The following COCH variants were observed in gnomAD, a reference collection of about 807,000 sequenced individuals.
The protein encoded by COCH is cochlin, also known as coagulation factor C homolog, cochlin (Limulus polyphemus).
In COCH, 40 loss-of-function variants were observed where a neutral mutation model predicts 54.8. The observed-to-expected ratio is 0.73, with a 90% confidence interval of 0.57 to 0.95. The LOEUF is 0.95. Among genes scored for constraint, COCH ranks in the 40% least tolerant of loss-of-function variants. The probability of loss-of-function intolerance (pLI) is 0.00; values close to 1 mark genes in which losing one functional copy is unlikely to be tolerated. For synonymous variants in COCH, 256 were observed against 237.9 expected (o/e 1.08, Z -0.70); for missense variants, 605 against 675.0 (o/e 0.90, Z 1.15).
At position 30,885,916 on chromosome 14, in the gene COCH, AC is replaced by A; in HGVS notation, c.1083del (p.Cys362ValfsTer5). The A allele has an allele frequency of 6.2e-7, 1 of 1,614,198 alleles. No individual in the cohort carries two copies. Among genetic ancestry groups the A allele is most frequent in the Non-Finnish European group, 8.5e-7 (1 of 1,180,022 alleles). ...TCATGAACAAATGATGTGCAGCAAG[AC>A]CTGTTATAACTCAGTGAACATTGCC... Reference protein sequence around the residue: ...CTHEQMMCSKTCYNSVNIAFL... With the variant: ...CTHEQMMCSKXCYNSVNIAFL... On this transcript the variant is annotated frameshift_variant, in exon 11 of 12. Coordinates refer to ENST00000396618, the MANE Select transcript of COCH (RefSeq NM_004086.3). LOFTEE classifies it high-confidence loss of function.
chr14:30,885,927 C>T lies in COCH; in HGVS notation c.1092C>T (p.Asn364=). ...TGATGTGCAGCAAGACCTGTTATAA[C>T]TCAGTGAACATTGCCTTTCTAATTG... ...EQMMCSKTCY[N]SVNIAFLIDG... is the part of the protein sequence containing the mutation. Residue 364 remains asparagine (N), a synonymous_variant, in exon 11 of 12, where the codon AAC becomes AAT. Coordinates refer to ENST00000396618, the MANE Select transcript of COCH (RefSeq NM_004086.3). The T allele has an allele frequency of 6.2e-7, 1 of 1,614,172 alleles. No homozygotes were observed. The highest frequency in any genetic ancestry group is 1.1e-5 in the South Asian group (1 of 91,088).
Position 30,877,453 on chromosome 14 carries a change from T to A in COCH, c.83-119T>A, listed in dbSNP as rs1178525694. The A allele has an allele frequency of 4.6e-6, 6 of 1,294,626 alleles. No individual in the cohort carries two copies. Among genetic ancestry groups the A allele is most frequent in the Non-Finnish European group, 6.5e-6 (6 of 926,824 alleles). 80.2% of individuals were successfully genotyped at this position (1,294,626 alleles called of 1,614,324 possible). A position where few individuals can be genotyped will look rare whatever the true frequency, so the allele number is the denominator to read the frequency against. ...TATGGAAGGGTATATAAGTCAATAGTCATAACTAGAAGTGTAGAAATTAGG... is the reference window on the plus strand; with the variant it reads ...TATGGAAGGGTATATAAGTCAATAGACATAACTAGAAGTGTAGAAATTAGG... On this transcript the variant is annotated intron_variant, in intron 3 of 11. Coordinates refer to ENST00000396618, the MANE Select transcript of COCH (RefSeq NM_004086.3). This position sits in a 1 kb window ranked among gnomAD's most constrained non-coding sequence, Gnocchi z 8.6.
intron 4 of COCH, among the ~76,000 whole-genome samples, 191 bp from the exon 5 acceptor site, chr14:30,878,620 G>A (rs2138842698): frequency 6.6e-6 from 1 of 152,324 alleles, no homozygotes; most frequent in South Asian, 2.1e-4. Flanking sequence ...TCGCGCCACT[G>A]CACTCCATCC....
At position 30,885,778 on chromosome 14, in the gene COCH, ATGTGTCTCCCCCATTAGGC is replaced by A; in HGVS notation, c.961-14_965del. On this transcript the variant is annotated splice_acceptor_variant and splice_polypyrimidine_tract_variant and coding_sequence_variant and intron_variant, in exon 11 of 12. Transcript: ENST00000396618. LOFTEE classifies it high-confidence loss of function. ...CTTTTGATCCTTTTGGATATCTTTT[ATGTGTCTCCCCCATTAGGC>A]TGTCTGTCGGAATAATGGCTTCTTC... 1 of 1,613,472 alleles carries A rather than the reference ATGTGTCTCCCCCATTAGGC, an allele frequency of 6.2e-7. No individual in the cohort carries two copies.
chr14:30,880,571 G>T lies in COCH; in HGVS notation c.482-16G>T. On this transcript the variant is annotated splice_polypyrimidine_tract_variant and intron_variant, in intron 7 of 11. Transcript: ENST00000396618. ...CTTGAGACTGCTAATGAGGGGACTG[G>T]TTTGGTTGTTCGCAGATTGTAAAGC... 7 of 1,614,168 alleles carry T rather than the reference G, an allele frequency of 4.3e-6. No individual in the cohort carries two copies. Among genetic ancestry groups the T allele is most frequent in the Non-Finnish European group, 5.9e-6 (7 of 1,180,028 alleles).
At chr14:30,881,299 G>C (rs530713464) in intron 8 of COCH, among the ~76,000 whole-genome samples, 2 of 152,188 alleles carry the variant, frequency 1.3e-5, no homozygotes, top group East Asian at 3.9e-4. Context: ...TCTTTTAGTG[G>C]GTACATGTCA....
chr14:30,895,196 G>A (rs1383246760), downstream of COCH: 1 of 546,938 alleles, frequency 1.8e-6, no homozygotes, highest in East Asian at 3.0e-5. Context: ...CACAAATACT[G>A]GAGTCCTTTT....
intron 9 of COCH, 159 bp downstream of exon 9, chr14:30,884,815 A>G: frequency 7.2e-7 from 1 of 1,393,402 alleles, no homozygotes; most frequent in East Asian, 2.5e-5. Context: ...ATAAATTTTC[A>G]ATTTATAATG....
chr14:30,894,755 T>C (rs1041117588), downstream of COCH: 17 of 210,926 alleles, frequency 8.1e-5, no homozygotes, highest in Admixed American at 3.0e-4. Context: ...TAGGGTTGTA[T>C]AATGCAGAAA....
chr14:30,884,585 A>G lies in COCH; in HGVS notation c.662A>G (p.Asn221Ser). The part of the protein sequence containing the change: ...EHPKIEFYLK[N>S]FTSAKDVLFA... The stretch of plus-strand genomic sequence containing the variant: ...CCCAAAATAGAATTTTACTTGAAAA[A>G]CTTTACATCAGCCAAAGATGTTTTG... The change falls in exon 9 of 12, where the codon AAC (asparagine) becomes AGC (serine). Residue 221 changes from asparagine (N) to serine (S), a missense_variant. Asn to Ser is a conservative substitution (Grantham distance 46). Transcript: ENST00000396618. 4.3e-6 allele frequency: 7 copies of G among 1,613,680 alleles called. No individual in the cohort carries two copies. The highest frequency in any genetic ancestry group is 5.1e-6 in the Non-Finnish European group (6 of 1,179,728).
Position 30,886,169 on chromosome 14 carries a change from C to G in COCH, c.1334C>G (p.Ala445Gly). ...ATCCGCTATATGAGTGGTGGAACAG[C>G]TACTGGTGATGCCATTTCCTTCACT... is the stretch of plus-strand genomic sequence containing the variant. Reference protein sequence around the residue: ...RNIRYMSGGTATGDAISFTVR... With the variant: ...RNIRYMSGGTGTGDAISFTVR... Residue 445 changes from alanine (A) to glycine (G), a missense_variant, in exon 11 of 12, where the codon GCT becomes GGT. Ala to Gly is a moderately conservative substitution (Grantham distance 60). Transcript: ENST00000396618. 6.2e-7 allele frequency: 1 copy of G among 1,610,732 alleles called. No homozygotes were observed. The highest frequency in any genetic ancestry group is 8.5e-7 in the Non-Finnish European group (1 of 1,177,380).
rs375874972 is a variant in COCH, at chr14:30,875,208, G to A, written c.82+105G>A. 23 of 1,452,712 alleles carry A rather than the reference G, an allele frequency of 1.6e-5. No individual in the cohort carries two copies. In the African/African-American group the frequency reaches 2.5e-4, roughly 16 times the overall value. The allele number at this position is 1,452,712 out of a possible 1,614,324, so 90.0% of individuals were successfully genotyped here. ...CCCTTGGGCTTCAGCCCTACCGCCT[G>A]AGGAGGAAGGCGCGAAGGTTGAGCC... On this transcript the variant is annotated intron_variant, in intron 3 of 11. Coordinates refer to ENST00000396618, the MANE Select transcript of COCH (RefSeq NM_004086.3).
intron 3 of COCH, 156 bp downstream of exon 3, chr14:30,875,259 C>A: frequency 9.5e-7 from 1 of 1,055,818 alleles, no homozygotes; most frequent in Non-Finnish European, 1.4e-6. Flanking sequence ...CGCGTTAACC[C>A]CTGCAGCCGA....
chr14:30,882,119 G>GTTTTTTTTTTTTTTTTTTTTT (rs1566410309), intron 8 of COCH, among the ~76,000 whole-genome samples: 2 of 84,900 alleles, frequency 2.4e-5, no homozygotes, highest in Admixed American at 1.1e-4. Flanking sequence ...ACTATAAAAT[G>GTTTTTTTTTTTTTTTTTTTTT]GTTTTTTTTT....
At chr14:30,876,756 C>A (rs1205625788) in intron 3 of COCH, among the ~76,000 whole-genome samples, 1 of 152,142 alleles carries the variant, frequency 6.6e-6, no homozygotes, top group Non-Finnish European at 1.5e-5. Flanking sequence ...ATCTTTACCT[C>A]AAGCAACTGT....
rs1439230575 is a variant in COCH at position 30,884,490 on chromosome 14, T to C, written c.630-63T>C. The C allele has an allele frequency of 6.2e-6, 7 of 1,129,356 alleles. No individual in the cohort carries two copies. The Admixed American group carries it at 1.2e-4, about 20-fold the overall frequency. 70.0% of individuals were successfully genotyped at this position (1,129,356 alleles called of 1,614,324 possible). ...GGTTTTAAAACTGTTTTTTAAGGCA[T>C]GTAATGTTGCTTATTTTACCTTTTT... On this transcript the variant is annotated intron_variant, in intron 8 of 11. Coordinates refer to ENST00000396618, the MANE Select transcript of COCH (RefSeq NM_004086.3).
At chr14:30,886,359 C>T (rs762292322) in intron 11 of COCH, 47 bp downstream of exon 11, 2 of 1,601,632 alleles carry the variant, frequency 1.2e-6, no homozygotes, top group South Asian at 2.2e-5. Flanking sequence ...AAAAACGGTT[C>T]AGTGAATTTA....
At chr14:30,876,799 ATTT>A (rs537945286) in intron 3 of COCH, among the ~76,000 whole-genome samples, 2 of 149,260 alleles carry the variant, frequency 1.3e-5, no homozygotes, top group Non-Finnish European at 3.0e-5. Context: ...AGATTTAAAA[ATTT>A]TTTTTTTTCT....
At chr14:30,892,803 G>A (rs1437039079), downstream of COCH, among the ~76,000 whole-genome samples, 2 of 148,914 alleles carry the variant, frequency 1.3e-5, no homozygotes, top group Non-Finnish European at 3.0e-5. Context: ...GTGAAACTCC[G>A]CTCCATCTCA....
Sources: allele counts gnomAD v4.1 joint callset (sites outside exome capture counted in the v4.1 genomes callset), GRCh38; gene constraint gnomAD v4.1.1; non-coding constraint Gnocchi (gnomAD v3.1); transcripts MANE v1.5; gene names NCBI Gene and HGNC (gene_info 2026-07-23, HGNC 2026-07-21).